Variants in CFAP299 observed in about 807,000 individuals in gnomAD.
The protein encoded by CFAP299 is cilia and flagella associated protein 299.
A neutral mutation model predicts 27.0 loss-of-function variants in CFAP299; 21 were observed. The ratio of observed to expected loss-of-function variants is 0.78; its 90% CI spans 0.55 to 1.12. CFAP299 has a LOEUF of 1.12. Ranked by LOEUF, CFAP299 falls within the 50% of genes most tolerant of loss-of-function variation. The probability of loss-of-function intolerance (pLI) is 0.00; values close to 1 mark genes in which losing one functional copy is unlikely to be tolerated. For synonymous variants in CFAP299, 104 were observed against 98.1 expected (o/e 1.06, Z -0.36); for missense variants, 310 against 276.6 (o/e 1.12, Z -0.86).
intron 3 of CFAP299, among the ~76,000 whole-genome samples, chr4:80,600,325 T>C (rs1471626629): frequency 2.0e-5 from 3 of 152,102 alleles, no homozygotes; most frequent in Non-Finnish European, 2.9e-5. Context: ...CCTTTTACCC[T>C]TTTGCTAAAT....
chr4:80,377,674 T>G (rs1724485387), intron 2 of CFAP299, among the ~76,000 whole-genome samples: 1 of 152,210 alleles, frequency 6.6e-6, no homozygotes, highest in Admixed American at 6.5e-5. Context: ...GCTAAAATAG[T>G]TATCAATTTG....
intron 3 of CFAP299, among the ~76,000 whole-genome samples, chr4:80,705,822 A>G (rs1456588612): frequency 2.0e-5 from 3 of 151,924 alleles, no homozygotes; most frequent in Non-Finnish European, 4.4e-5. Flanking sequence ...ACTGTAAATG[A>G]CCTTTATGAT....
chr4:80,808,511 A>C (rs760566044), intron 3 of CFAP299, among the ~76,000 whole-genome samples: 1 of 152,122 alleles, frequency 6.6e-6, no homozygotes, highest in Non-Finnish European at 1.5e-5. Context: ...CCTAAAATAC[A>C]TTCTTAATTC....
chr4:80,740,350 C>T (rs1159038267), intron 3 of CFAP299, among the ~76,000 whole-genome samples: 1 of 152,188 alleles, frequency 6.6e-6, no homozygotes, highest in South Asian at 2.1e-4. Flanking sequence ...AACCCAATAA[C>T]ACTATGAGTT....
intron 3 of CFAP299, among the ~76,000 whole-genome samples, chr4:80,690,590 A>G (rs1720599624): frequency 6.6e-6 from 1 of 152,280 alleles, no homozygotes; most frequent in South Asian, 2.1e-4. Context: ...AAGAGAAAGC[A>G]GGAAAGATCC....
intron 3 of CFAP299, among the ~76,000 whole-genome samples, chr4:80,664,034 G>C (rs773614889): frequency 6.6e-6 from 1 of 151,842 alleles, no homozygotes; most frequent in Non-Finnish European, 1.5e-5. Context: ...CTGGATATTA[G>C]CCCTTTGTCA....
At chr4:80,729,802 A>T (rs1443042198) in intron 3 of CFAP299, among the ~76,000 whole-genome samples, 1 of 151,584 alleles carries the variant, frequency 6.6e-6, no homozygotes, top group Admixed American at 6.6e-5. Flanking sequence ...ACGGCATTTC[A>T]TCATGTTAGC....
At chr4:80,804,945 C>T (rs1407410641) in intron 3 of CFAP299, among the ~76,000 whole-genome samples, 1 of 151,970 alleles carries the variant, frequency 6.6e-6, no homozygotes, top group Non-Finnish European at 1.5e-5. Context: ...TTATGTTCCT[C>T]ATTTTTTGCA....
chr4:80,515,430 T>C (rs2110168410), intron 2 of CFAP299, among the ~76,000 whole-genome samples: 1 of 152,326 alleles, frequency 6.6e-6, no homozygotes, highest in East Asian at 1.9e-4. Flanking sequence ...TTTGTCTCTG[T>C]AGGCACAATC....
At chr4:80,809,691 T>C (rs1729043509) in intron 3 of CFAP299, among the ~76,000 whole-genome samples, 1 of 152,140 alleles carries the variant, frequency 6.6e-6, no homozygotes, top group South Asian at 2.1e-4. Context: ...TTTCATGATG[T>C]TACACATCTT....
intron 3 of CFAP299, among the ~76,000 whole-genome samples, chr4:80,715,918 C>T (rs933914842): frequency 1.3e-5 from 2 of 151,966 alleles, no homozygotes; most frequent in Non-Finnish European, 2.9e-5. Context: ...TTCTTGAATT[C>T]GCCTTCATTT....
At chr4:80,883,842 TTTTG>T (rs59740725) in intron 4 of CFAP299, among the ~76,000 whole-genome samples, 5,897 of 152,170 alleles carry the variant, frequency 0.039, 264 homozygotes, top group African/African-American at 0.11. Context: ...TAGTCCACTT[TTTTG>T]TTTGTTTGTT....
intron 3 of CFAP299, among the ~76,000 whole-genome samples, chr4:80,842,463 G>A (rs28402096): frequency 0.04 from 6,085 of 152,108 alleles, 178 homozygotes; most frequent in East Asian, 0.13. Context: ...ATTACTTAAC[G>A]CCTCTTAAAT....
chr4:80,739,022 T>A (rs1192745826), intron 3 of CFAP299, among the ~76,000 whole-genome samples: 1 of 152,012 alleles, frequency 6.6e-6, no homozygotes, highest in Non-Finnish European at 1.5e-5. Context: ...CAAACAAACA[T>A]GCAAAAAGAA....
intron 3 of CFAP299, among the ~76,000 whole-genome samples, chr4:80,696,076 T>C (rs1361681068): frequency 6.6e-6 from 1 of 151,786 alleles, no homozygotes; most frequent in Non-Finnish European, 1.5e-5. Context: ...CCGAGGTGGG[T>C]GGATCATGAG....
intron 3 of CFAP299, among the ~76,000 whole-genome samples, chr4:80,638,396 G>C (rs1045978124): frequency 6.6e-6 from 1 of 152,152 alleles, no homozygotes; most frequent in Non-Finnish European, 1.5e-5. Context: ...AGCCTATTTA[G>C]CCATGCTTCT....
chr4:80,485,390 G>C (rs1730763154), intron 2 of CFAP299, among the ~76,000 whole-genome samples: 1 of 151,882 alleles, frequency 6.6e-6, no homozygotes, highest in Non-Finnish European at 1.5e-5. Context: ...TTGCATAAGT[G>C]ATTGGGTGGT....
chr4:80,397,928 T>C (rs1317894255), intron 2 of CFAP299, among the ~76,000 whole-genome samples: 1 of 152,102 alleles, frequency 6.6e-6, no homozygotes, highest in African/African-American at 2.4e-5. Flanking sequence ...GATTGTATAT[T>C]TAGAAAACCC....
At chr4:80,643,659 G>A (rs888518586) in intron 3 of CFAP299, among the ~76,000 whole-genome samples, 2 of 152,098 alleles carry the variant, frequency 1.3e-5, no homozygotes, top group East Asian at 3.9e-4. Context: ...ATATGATAAG[G>A]GGAAGCAGTA....
Sources: gnomAD v4.1 joint callset for allele counts (sites outside exome capture counted in the v4.1 genomes callset) on GRCh38, gnomAD v4.1.1 for gene constraint, MANE v1.5 for transcripts, NCBI Gene and HGNC (gene_info 2026-07-23, HGNC 2026-07-21) for gene names.